The following OTUD7A variants were observed in gnomAD, a reference collection of about 807,000 sequenced individuals.
OTUD7A encodes the protein OTU domain-containing protein 7A.
Under a neutral mutation model 65.7 loss-of-function variants are expected in OTUD7A, and 12 were observed. The ratio of observed to expected loss-of-function variants is 0.18; its 90% CI spans 0.12 to 0.30. The LOEUF is 0.30. Among genes scored for constraint, OTUD7A ranks in the 10% least tolerant of loss-of-function variants. The probability of loss-of-function intolerance (pLI) is 1.00; values close to 1 mark genes in which losing one functional copy is unlikely to be tolerated. For missense variants in OTUD7A, 1,148 were observed against 1,304.8 expected (o/e 0.88, Z 1.85); for synonymous variants, 641 against 586.3 (o/e 1.09, Z -1.35).
At chr15:31,500,700 G>A (rs2041454767) in intron 10 of OTUD7A, among the ~76,000 whole-genome samples, 1 of 152,212 alleles carries the variant, frequency 6.6e-6, no homozygotes, top group Non-Finnish European at 1.5e-5. Context: ...TTTACTTCCT[G>A]AGCTGCACAC....
chr15:31,675,500 T>C (rs534161459), intron 1 of OTUD7A, among the ~76,000 whole-genome samples: 1 of 152,336 alleles, frequency 6.6e-6, no homozygotes, highest in East Asian at 1.9e-4. Flanking sequence ...TTATTCATTA[T>C]ACCACGTTGA....
At chr15:31,773,637 C>A (rs1458802462) in intron 1 of OTUD7A, among the ~76,000 whole-genome samples, 6 of 152,276 alleles carry the variant, frequency 3.9e-5, no homozygotes, top group Non-Finnish European at 8.8e-5. Flanking sequence ...CCAGTTTAAT[C>A]CCAGCTTCCA....
At chr15:31,506,801 GA>G (rs1284016445) in intron 8 of OTUD7A, among the ~76,000 whole-genome samples, 1 of 152,198 alleles carries the variant, frequency 6.6e-6, no homozygotes, top group African/African-American at 2.4e-5. Flanking sequence ...CTCAGGGGCT[GA>G]CCCGCACAGT....
At chr15:31,853,009 T>C (rs1371310599) in intron 1 of OTUD7A, among the ~76,000 whole-genome samples, 1 of 152,140 alleles carries the variant, frequency 6.6e-6, no homozygotes, top group Non-Finnish European at 1.5e-5. Flanking sequence ...GGGTGGTACC[T>C]GCCACCTCCC....
chr15:31,701,233 T>G (rs951168926), intron 1 of OTUD7A, among the ~76,000 whole-genome samples: 54 of 151,454 alleles, frequency 3.6e-4, no homozygotes, highest in African/African-American at 1.2e-3. Context: ...TGTAATGATG[T>G]TGGTAGAATA....
intron 3 of OTUD7A, among the ~76,000 whole-genome samples, chr15:31,609,042 G>A (rs1890319582): frequency 6.6e-6 from 1 of 152,226 alleles, no homozygotes; most frequent in Admixed American, 6.5e-5. Flanking sequence ...AGTCAATTTA[G>A]AGAGCTGAGC....
intron 3 of OTUD7A, among the ~76,000 whole-genome samples, chr15:31,635,498 C>T (rs1163073416): frequency 1.3e-5 from 2 of 152,182 alleles, no homozygotes; most frequent in African/African-American, 4.8e-5. Context: ...CGGGGAGAGA[C>T]CTGGGGGCAG....
intron 1 of OTUD7A, among the ~76,000 whole-genome samples, chr15:31,715,874 G>A (rs1470503486): frequency 3.6e-5 from 1 of 28,074 alleles, no homozygotes; most frequent in African/African-American, 4.6e-5. Context: ...AAATTCTATC[G>A]AGTCCTTCCT....
chr15:31,808,634 T>C (rs1458739592), intron 1 of OTUD7A, among the ~76,000 whole-genome samples: 1 of 152,192 alleles, frequency 6.6e-6, no homozygotes, highest in South Asian at 2.1e-4. Flanking sequence ...TGCCAGAGCA[T>C]GACATCAGTT....
At chr15:31,796,159 G>GTGTGTA (rs1191294338) in intron 1 of OTUD7A, among the ~76,000 whole-genome samples, 2 of 150,676 alleles carry the variant, frequency 1.3e-5, no homozygotes, top group Non-Finnish European at 1.5e-5. Flanking sequence ...GTGTGTGTGT[G>GTGTGTA]TGTGTGTATC....
chr15:31,615,974 C>G (rs8033168), intron 3 of OTUD7A, among the ~76,000 whole-genome samples: 43,778 of 152,214 alleles, frequency 0.29, 7,445 homozygotes, highest in African/African-American at 0.47. Context: ...AGGCAGTCAT[C>G]AGACAGCTCC....
chr15:31,555,259 AAAGTCT>A (rs1888452523), intron 5 of OTUD7A, among the ~76,000 whole-genome samples: 1 of 152,190 alleles, frequency 6.6e-6, no homozygotes, highest in Non-Finnish European at 1.5e-5. Flanking sequence ...TCCTCCACCC[AAAGTCT>A]TATGACAGAA....
At chr15:31,808,138 A>AC (rs56773953) in intron 1 of OTUD7A, among the ~76,000 whole-genome samples, 5 of 113,602 alleles carry the variant, frequency 4.4e-5, no homozygotes, top group African/African-American at 6.8e-5. Flanking sequence ...CACACACACA[A>AC]ACAAATCCTC....
At chr15:31,652,196 G>GTTGGCT (rs937109680) in intron 3 of OTUD7A, among the ~76,000 whole-genome samples, 5 of 152,148 alleles carry the variant, frequency 3.3e-5, no homozygotes, top group African/African-American at 1.2e-4. Context: ...AATACCCTCA[G>GTTGGCT]TTGGCTTTTC....
At chr15:31,822,546 C>T (rs1896708487) in intron 1 of OTUD7A, among the ~76,000 whole-genome samples, 1 of 152,122 alleles carries the variant, frequency 6.6e-6, no homozygotes, top group Non-Finnish European at 1.5e-5. Flanking sequence ...CCAGCCTGCA[C>T]CCCCAGCCTG....
chr15:31,592,879 CAAAAAAAAAAA>C (rs1170532149), intron 3 of OTUD7A, among the ~76,000 whole-genome samples: 1 of 8,540 alleles, frequency 1.2e-4, no homozygotes, highest in Non-Finnish European at 1.7e-4. Flanking sequence ...GGCTCTGTCT[CAAAAAAAAAAA>C]AAAAAAAAAA....
chr15:31,869,670 G>C (rs570089786), intron 1 of OTUD7A, among the ~76,000 whole-genome samples: 3 of 152,262 alleles, frequency 2.0e-5, no homozygotes, highest in African/African-American at 7.2e-5. Context: ...AGAAATAAAA[G>C]TCATTTGCAC....
At chr15:31,596,498 T>C (rs1459273399) in intron 3 of OTUD7A, among the ~76,000 whole-genome samples, 1 of 152,256 alleles carries the variant, frequency 6.6e-6, no homozygotes, top group Non-Finnish European at 1.5e-5. Flanking sequence ...TTAGTTAATA[T>C]CCAAGAGTAG....
At position 31,480,557 on chromosome 15, in the gene OTUD7A, G is replaced by T. The variant is rs1196028832; in HGVS notation, c.*2737C>A. On this transcript the variant is annotated 3_prime_UTR_variant, in exon 13 of 13. Transcript: ENST00000307050. ...GGGCCCTCACGCCATGGAACACGAG[G>T]GAAGCCCTTGGCCCACATGCAGTCA... The T allele has an allele frequency of 6.6e-6, 1 of 152,328 alleles. No individual in the cohort carries two copies. Among genetic ancestry groups the T allele is most frequent in the Non-Finnish European group, 1.5e-5 (1 of 68,136 alleles). The allele number at this position is 152,328 out of a possible 1,614,324, so 9.4% of individuals were successfully genotyped here. A position where few individuals can be genotyped will look rare whatever the true frequency, so the allele number is the denominator to read the frequency against.
Sources: allele counts gnomAD v4.1 joint callset (sites outside exome capture counted in the v4.1 genomes callset), GRCh38; gene constraint gnomAD v4.1.1; transcripts MANE v1.5; gene names NCBI Gene and HGNC (gene_info 2026-07-23, HGNC 2026-07-21).